The following VMP1 variants were observed in gnomAD, a reference collection of about 807,000 sequenced individuals.
The protein encoded by VMP1 is vacuole membrane protein 1, also known as ectopic P-granules autophagy protein 3 homolog.
In VMP1, 11 loss-of-function variants were observed where a neutral mutation model predicts 56.0. The observed-to-expected ratio is 0.20, with a 90% CI of 0.12 to 0.32. The LOEUF (loss-of-function observed/expected upper bound fraction) is 0.32, where lower values mean the gene tolerates loss of function less well. Ranked by LOEUF, VMP1 falls within the 10% of genes least tolerant of loss-of-function variation. VMP1 has a pLI of 1.00. For synonymous variants in VMP1, 149 were observed against 165.0 expected (o/e 0.90, Z 0.74); for missense variants, 296 against 490.3 (o/e 0.60, Z 3.74).
At chr17:59,742,167 G>A (rs903918214) in intron 5 of VMP1, among the ~76,000 whole-genome samples, 4 of 151,994 alleles carry the variant, frequency 2.6e-5, no homozygotes, top group Non-Finnish European at 5.9e-5. Context: ...GGAAAGAGAA[G>A]GGAAATTTAT....
chr17:59,819,817 C>T (rs1162563553), intron 10 of VMP1, among the ~76,000 whole-genome samples: 2 of 152,224 alleles, frequency 1.3e-5, no homozygotes, highest in African/African-American at 2.4e-5. Context: ...TACCTTGAGA[C>T]TGCAGAGCGC....
intron 10 of VMP1, among the ~76,000 whole-genome samples, chr17:59,833,509 T>C (rs1162808611): frequency 6.6e-6 from 1 of 151,976 alleles, no homozygotes; most frequent in Non-Finnish European, 1.5e-5. Flanking sequence ...AAAAGAAACA[T>C]AATAATAATA....
intron 10 of VMP1, among the ~76,000 whole-genome samples, chr17:59,832,859 C>A (rs1223023758): frequency 6.6e-6 from 1 of 150,848 alleles, no homozygotes; most frequent in Non-Finnish European, 1.5e-5. Context: ...GATCTGCCCA[C>A]CTCGGCCTCC....
chr17:59,710,998 G>C (rs910809718), intron 1 of VMP1, among the ~76,000 whole-genome samples: 1 of 151,912 alleles, frequency 6.6e-6, no homozygotes, highest in African/African-American at 2.4e-5. Context: ...GTTTGAACCC[G>C]GGAGGCGGAG....
intron 7 of VMP1, among the ~76,000 whole-genome samples, chr17:59,801,698 C>T (rs1209940965): frequency 6.6e-6 from 1 of 152,018 alleles, no homozygotes; most frequent in Non-Finnish European, 1.5e-5. Context: ...AGTTCAAGAC[C>T]AGCCTGGCTA....
chr17:59,801,112 A>ATATGTATG (rs1296238370), intron 7 of VMP1, among the ~76,000 whole-genome samples: 1 of 110,326 alleles, frequency 9.1e-6, no homozygotes, highest in African/African-American at 4.4e-5. Flanking sequence ...ATATATATAT[A>ATATGTATG]TGTGTGTGTG....
chr17:59,780,136 A>T (rs1598383583), intron 7 of VMP1, among the ~76,000 whole-genome samples: 1 of 152,300 alleles, frequency 6.6e-6, no homozygotes, highest in East Asian at 1.9e-4. Flanking sequence ...TCTGTTGGTT[A>T]TGAGGTTTGG....
At chr17:59,719,266 C>T (rs1598285248) in intron 1 of VMP1, among the ~76,000 whole-genome samples, 1 of 152,026 alleles carries the variant, frequency 6.6e-6, no homozygotes, top group East Asian at 1.9e-4. Context: ...CTGTGGTGAC[C>T]TGTGACCATG....
At chr17:59,839,731 C>G (rs763518576) in intron 11 of VMP1, 37 bp from the exon 12 acceptor site, 2 of 1,580,394 alleles carry the variant, frequency 1.3e-6, no homozygotes, top group East Asian at 2.3e-5. Flanking sequence ...ACTAATGAAG[C>G]CTTTTTCATT....
At chr17:59,715,687 TTTTC>T (rs756288006) in intron 1 of VMP1, among the ~76,000 whole-genome samples, 40 of 152,358 alleles carry the variant, frequency 2.6e-4, no homozygotes, top group Non-Finnish European at 4.9e-4. Flanking sequence ...GTATAATTTA[TTTTC>T]TTTCTTTATT....
At chr17:59,828,843 C>T (rs1280272199) in intron 10 of VMP1, among the ~76,000 whole-genome samples, 1 of 152,188 alleles carries the variant, frequency 6.6e-6, no homozygotes, top group Middle Eastern at 3.2e-3. Flanking sequence ...GAGCCAGGCA[C>T]AGAGGCTTAT....
chr17:59,812,341 G>A (rs1309985617), intron 9 of VMP1, among the ~76,000 whole-genome samples: 1 of 152,142 alleles, frequency 6.6e-6, no homozygotes, highest in Non-Finnish European at 1.5e-5. Context: ...AAGAGGCGAG[G>A]AGATGTGGGT....
chr17:59,823,939 A>G (rs2038543609), intron 10 of VMP1, among the ~76,000 whole-genome samples: 1 of 152,188 alleles, frequency 6.6e-6, no homozygotes, highest in South Asian at 2.1e-4. Flanking sequence ...TTAAAATAAA[A>G]TTATGAGATA....
chr17:59,738,859 A>G lies in VMP1; in HGVS notation c.326A>G (p.Gln109Arg). 3 of 1,612,756 alleles carry G rather than the reference A, an allele frequency of 1.9e-6. No individual in the cohort carries two copies. Among genetic ancestry groups the G allele is most frequent in the Non-Finnish European group, 2.5e-6 (3 of 1,179,478 alleles). The change falls in exon 5 of 12, where the codon CAG becomes CGG. Residue 109 changes from glutamine to arginine, a missense_variant. Transcript: ENST00000262291. ...HQQYVQRIEK[Q>R]FLLYAYWIGL... The stretch of plus-strand genomic sequence containing the variant: ...CAGTATGTGCAACGTATAGAGAAAC[A>G]GTTTCTTTTGTATGCCTACTGGATA...
intron 3 of VMP1, among the ~76,000 whole-genome samples, chr17:59,736,781 G>A (rs1186772930): frequency 6.7e-6 from 1 of 150,002 alleles, no homozygotes; most frequent in African/African-American, 2.5e-5. Context: ...GGTGGCTCAC[G>A]GCTGTAATCC....
intron 7 of VMP1, among the ~76,000 whole-genome samples, chr17:59,791,186 T>C (rs973884415): frequency 5.9e-5 from 3 of 50,946 alleles, no homozygotes; most frequent in African/African-American, 1.1e-4. Context: ...CCAGTTCCCT[T>C]TTTTTTTTTT....
At chr17:59,754,422 A>G (rs2035763263) in intron 5 of VMP1, among the ~76,000 whole-genome samples, 1 of 152,226 alleles carries the variant, frequency 6.6e-6, no homozygotes, top group African/African-American at 2.4e-5. Context: ...AAATAGTGAA[A>G]TAGTTTCAGT....
intron 1 of VMP1, among the ~76,000 whole-genome samples, chr17:59,728,598 G>T (rs1381300572): frequency 1.3e-5 from 2 of 152,024 alleles, no homozygotes; most frequent in African/African-American, 2.4e-5. Context: ...CACCACTTTG[G>T]GAAGCTGGGG....
intron 6 of VMP1, among the ~76,000 whole-genome samples, chr17:59,768,847 A>G (rs1017109316): frequency 2.6e-5 from 4 of 151,864 alleles, no homozygotes; most frequent in Admixed American, 6.6e-5. Flanking sequence ...TTAGCTGGGC[A>G]TGATGACAGG....
Sources: gnomAD v4.1 joint callset for allele counts (sites outside exome capture counted in the v4.1 genomes callset) on GRCh38, gnomAD v4.1.1 for gene constraint, MANE v1.5 for transcripts, NCBI Gene and HGNC (gene_info 2026-07-23, HGNC 2026-07-21) for gene names.